Variants in INVS observed in about 807,000 individuals in gnomAD.
INVS encodes the protein inversin, also known as inversion of embryo turning homolog.
Under a neutral mutation model 108.8 loss-of-function variants are expected in INVS, and 86 were observed. That is an observed-to-expected ratio of 0.79 (90% CI 0.66 to 0.95). INVS has a LOEUF of 0.95. Among genes scored for constraint, INVS ranks in the 40% least tolerant of loss-of-function variants. INVS has a pLI of 0.00. For missense variants in INVS, 1,169 were observed against 1,297.4 expected, an observed-to-expected ratio of 0.90 and a Z score of 1.52; for synonymous variants, 455 against 473.5, an observed-to-expected ratio of 0.96 and a Z score of 0.51.
intron 3 of INVS, among the ~76,000 whole-genome samples, chr9:100,129,324 A>G (rs1266540731): frequency 6.6e-6 from 1 of 151,728 alleles, no homozygotes; most frequent in Non-Finnish European, 1.5e-5. Context: ...TCTACTAAAA[A>G]CACACACACA....
At chr9:100,157,356 C>T (rs1829027593) in intron 3 of INVS, among the ~76,000 whole-genome samples, 1 of 149,432 alleles carries the variant, frequency 6.7e-6, no homozygotes, top group African/African-American at 2.5e-5. Context: ...GCTCCGCCTC[C>T]TGGGTTCACG....
Position 100,100,613 on chromosome 9 carries a change from AATATATGTATATATAATATATATATT to A in INVS, c.-25+1233_-25+1258del, listed in dbSNP as rs1564111078. On this transcript the variant is annotated intron_variant, in intron 1 of 16. Transcript: ENST00000262457. Reference sequence around the variant, plus strand: ...TAATATATGTACATATAATATATATAATATATGTATATATAATATATATATTATATATGTATATATAATATATATAT... The same window carrying A: ...TAATATATGTACATATAATATATATAATATATGTATATATAATATATATAT... 6.8e-4 allele frequency among the ~76,000 whole-genome samples: 49 copies of A among 72,442 alleles called. 3 individuals are homozygous for A. Among genetic ancestry groups the A allele is most frequent in the Admixed American group, 9.5e-4 (4 of 4,204 alleles). 47.5% of individuals were successfully genotyped at this position (72,442 alleles called of 152,430 possible).
chr9:100,178,446 A>T (rs1200400192), intron 3 of INVS, among the ~76,000 whole-genome samples: 3 of 152,218 alleles, frequency 2.0e-5, no homozygotes, highest in Non-Finnish European at 4.4e-5. Flanking sequence ...GAACATAAAT[A>T]ACCTGATGGA....
chr9:100,248,349 A>C (rs1268624746), intron 8 of INVS, among the ~76,000 whole-genome samples: 1 of 152,138 alleles, frequency 6.6e-6, no homozygotes, highest in Non-Finnish European at 1.5e-5. Flanking sequence ...TTCAGACATA[A>C]ATTCTTCTCA....
At chr9:100,157,124 C>A (rs763479517) in intron 3 of INVS, among the ~76,000 whole-genome samples, 3 of 150,418 alleles carry the variant, frequency 2.0e-5, no homozygotes, top group African/African-American at 7.3e-5. Context: ...ATACTGTTAA[C>A]TGAAAAAAAA....
At chr9:100,103,931 T>G (rs942160014) in intron 1 of INVS, among the ~76,000 whole-genome samples, 1 of 152,190 alleles carries the variant, frequency 6.6e-6, no homozygotes, top group Non-Finnish European at 1.5e-5. Flanking sequence ...TATACTCTTT[T>G]TGTGGATCGG....
At chr9:100,179,425 A>G (rs1233954322) in intron 3 of INVS, among the ~76,000 whole-genome samples, 1 of 152,152 alleles carries the variant, frequency 6.6e-6, no homozygotes, top group Non-Finnish European at 1.5e-5. Context: ...CACAGGCTGA[A>G]AATAAAGGGA....
intron 14 of INVS, among the ~76,000 whole-genome samples, chr9:100,296,449 T>G (rs1264374239): frequency 6.6e-6 from 1 of 152,244 alleles, no homozygotes; most frequent in Non-Finnish European, 1.5e-5. Context: ...TTACTGACTT[T>G]CTGGCACAAA....
At chr9:100,113,973 T>A (rs955901867) in intron 2 of INVS, among the ~76,000 whole-genome samples, 1 of 152,198 alleles carries the variant, frequency 6.6e-6, no homozygotes, top group Admixed American at 6.5e-5. Flanking sequence ...TCAACCCAGA[T>A]GTAATTACCC....
chr9:100,200,139 GTTTC>G (rs1357783153), intron 3 of INVS, among the ~76,000 whole-genome samples: 1 of 152,018 alleles, frequency 6.6e-6, no homozygotes, highest in African/African-American at 2.4e-5. Flanking sequence ...ACTTCCAATT[GTTTC>G]TTTTTATGTA....
intron 7 of INVS, among the ~76,000 whole-genome samples, chr9:100,246,385 G>T (rs1023963345): frequency 6.6e-6 from 1 of 152,140 alleles, no homozygotes; most frequent in Non-Finnish European, 1.5e-5. Flanking sequence ...GGAGAGTTAG[G>T]TTATGTTTAT....
chr9:100,278,407 C>T (rs1833173714), intron 12 of INVS, among the ~76,000 whole-genome samples: 1 of 152,028 alleles, frequency 6.6e-6, no homozygotes, highest in Non-Finnish European at 1.5e-5. Flanking sequence ...TCTCCCACAT[C>T]CTCCCATAGC....
intron 2 of INVS, among the ~76,000 whole-genome samples, chr9:100,114,035 C>T (rs985550881): frequency 2.6e-5 from 4 of 152,152 alleles, no homozygotes; most frequent in Non-Finnish European, 4.4e-5. Flanking sequence ...AAAGTGGCAA[C>T]ATTTTTTTCA....
At chr9:100,285,544 A>G (rs544925904) in intron 13 of INVS, among the ~76,000 whole-genome samples, 2 of 152,334 alleles carry the variant, frequency 1.3e-5, no homozygotes, top group South Asian at 4.1e-4. Context: ...TTGTACTCCC[A>G]GTTAGGATTT....
At chr9:100,184,202 A>G (rs894559101) in intron 3 of INVS, among the ~76,000 whole-genome samples, 3 of 152,216 alleles carry the variant, frequency 2.0e-5, no homozygotes, top group African/African-American at 7.2e-5. Flanking sequence ...CAAGATTCTA[A>G]TTCAATTGGT....
At chr9:100,268,646 A>G (rs1417789608) in intron 11 of INVS, among the ~76,000 whole-genome samples, 3 of 152,204 alleles carry the variant, frequency 2.0e-5, no homozygotes, top group Non-Finnish European at 4.4e-5. Context: ...AAATTTAGGT[A>G]TTGAGTGTAT....
intron 3 of INVS, among the ~76,000 whole-genome samples, chr9:100,154,420 G>T (rs1828907844): frequency 1.5e-5 from 2 of 132,186 alleles, no homozygotes; most frequent in African/African-American, 5.8e-5. Flanking sequence ...CAAGCCATCT[G>T]CCCTCTTCAG....
intron 3 of INVS, among the ~76,000 whole-genome samples, chr9:100,190,122 A>G (rs1290644832): frequency 6.6e-6 from 1 of 152,176 alleles, no homozygotes; most frequent in Non-Finnish European, 1.5e-5. Context: ...TTTTATCACT[A>G]TATAATGACT....
chr9:100,159,781 A>C (rs1388297223), intron 3 of INVS, among the ~76,000 whole-genome samples: 1 of 152,114 alleles, frequency 6.6e-6, no homozygotes, highest in Non-Finnish European at 1.5e-5. Flanking sequence ...TTTTTGCCTC[A>C]TAACTCTGGA....
Sources: allele counts gnomAD v4.1 joint callset (sites outside exome capture counted in the v4.1 genomes callset), GRCh38; gene constraint gnomAD v4.1.1; transcripts MANE v1.5; gene names NCBI Gene and HGNC (gene_info 2026-07-23, HGNC 2026-07-21).